Variants in UBP1 observed in about 807,000 individuals in gnomAD.
The protein encoded by UBP1 is upstream-binding protein 1.
In UBP1, 22 loss-of-function variants were observed where a neutral mutation model predicts 76.1. The ratio of observed to expected loss-of-function variants is 0.29; its 90% CI spans 0.21 to 0.41. UBP1 has a LOEUF of 0.41. Among genes scored for constraint, UBP1 ranks in the 10% least tolerant of loss-of-function variants. The pLI is 1.00. For missense variants in UBP1, 436 were observed against 668.1 expected, an observed-to-expected ratio of 0.65 and a Z score of 3.83; for synonymous variants, 224 against 237.1, an observed-to-expected ratio of 0.94 and a Z score of 0.51.
At chr3:33,393,534 C>T (rs2043851261) in intron 13 of UBP1, 80 bp from the exon 14 acceptor site, 8 of 1,392,140 alleles carry the variant, frequency 5.7e-6, no homozygotes, top group Admixed American at 2.6e-5. Flanking sequence ...AGGATCTGTA[C>T]GAAGGTCACA....
intron 1 of UBP1, 140 bp downstream of exon 1, chr3:33,439,596 C>T (rs919741861): frequency 4.5e-6 from 4 of 898,308 alleles, no homozygotes; most frequent in South Asian, 1.9e-5. Flanking sequence ...TGGCCCCCGA[C>T]CGCCACGCGG....
intron 8 of UBP1, among the ~76,000 whole-genome samples, chr3:33,406,035 G>A (rs2044410526): frequency 6.6e-6 from 1 of 152,148 alleles, no homozygotes; most frequent in Non-Finnish European, 1.5e-5. Context: ...TTTAGCTGGA[G>A]AGCTTTGAAT....
In UBP1 at chr3:33,402,819, G is replaced by A. The variant is rs1480038881; in HGVS notation, c.1013C>T (p.Thr338Ile). 1 of 1,594,474 alleles carries A rather than the reference G, an allele frequency of 6.3e-7. No homozygotes were observed. Among genetic ancestry groups the A allele is most frequent in the African/African-American group, 1.4e-5 (1 of 73,904 alleles). ...APTFTSPQQS[T>I]CSVPDSNSSS... ...TAGATACCTGTCTGGGACACTGCAA[G>A]TGCTCTGCTGTGGGGAGGTGAAAGT... Residue 338 changes from threonine (T) to isoleucine (I), a missense_variant, in exon 9 of 16, where the codon ACT (threonine) becomes ATT (isoleucine). Coordinates refer to ENST00000283629, the MANE Select transcript of UBP1 (RefSeq NM_014517.5).
At chr3:33,395,072 T>C (rs1271117944) in intron 13 of UBP1, among the ~76,000 whole-genome samples, 1 of 152,174 alleles carries the variant, frequency 6.6e-6, no homozygotes, top group Non-Finnish European at 1.5e-5. Flanking sequence ...CAAAATATTA[T>C]AATCTTGGCC....
intron 11 of UBP1, chr3:33,397,804 A>G (rs1387647867): frequency 6.6e-6 from 1 of 152,170 alleles, no homozygotes; most frequent in South Asian, 2.1e-4. Flanking sequence ...CAGGTTTCCT[A>G]TAGCACCACC....
chr3:33,398,709 C>T (rs1364674468), intron 11 of UBP1, among the ~76,000 whole-genome samples: 2 of 152,118 alleles, frequency 1.3e-5, no homozygotes, highest in Non-Finnish European at 2.9e-5. Flanking sequence ...CTGCTCACAG[C>T]GAAAGGGATT....
intron 11 of UBP1, among the ~76,000 whole-genome samples, chr3:33,398,710 G>A (rs898519531): frequency 5.3e-5 from 8 of 152,196 alleles, no homozygotes; most frequent in Non-Finnish European, 7.4e-5. Context: ...TGCTCACAGC[G>A]AAAGGGATTA....
chr3:33,428,008 C>A (rs1181817067), intron 1 of UBP1, among the ~76,000 whole-genome samples: 2 of 151,914 alleles, frequency 1.3e-5, no homozygotes, highest in Non-Finnish European at 2.9e-5. Context: ...CGGGGGAAAC[C>A]CCGTCTCTAC....
Position 33,425,616 on chromosome 3 carries a change from T to C in UBP1, c.239A>G (p.Asp80Gly). 6.4e-7 allele frequency: 1 copy of C among 1,567,724 alleles called. No individual in the cohort carries two copies. Among genetic ancestry groups the C allele is most frequent in the Non-Finnish European group, 8.7e-7 (1 of 1,146,138 alleles). Residue 80 changes from aspartate (D) to glycine (G), a missense_variant, in exon 2 of 16, where the codon GAT becomes GGT. Coordinates refer to ENST00000283629, the MANE Select transcript of UBP1 (RefSeq NM_014517.5). ...TTGGTTCAAATAAGTAAGCGTTTCA[T>C]CATGCAGTTTTACTGCTGGTGACGT... ...AATSPAVKLH[D>G]ETLTYLNQGQ... is the part of the protein sequence containing the mutation.
chr3:33,398,695 A>G (rs1213014968), intron 11 of UBP1, among the ~76,000 whole-genome samples: 4 of 152,226 alleles, frequency 2.6e-5, no homozygotes, highest in Non-Finnish European at 5.9e-5. Context: ...ACGCCATGTG[A>G]TCACTGCTCA....
intron 15 of UBP1, 42 bp downstream of exon 15, chr3:33,392,521 T>C (rs753800941): frequency 1.9e-6 from 3 of 1,569,708 alleles, no homozygotes; most frequent in South Asian, 2.3e-5. Context: ...ACACCATCTC[T>C]CATGATTCCA....
At chr3:33,392,289 G>A (rs1417187877) in intron 15 of UBP1, 2 of 340,546 alleles carry the variant, frequency 5.9e-6, no homozygotes, top group East Asian at 5.1e-5. Context: ...TAGATCCACT[G>A]AGCGACAGAA....
Position 33,389,190 on chromosome 3 carries a change from G to A in UBP1, c.*1141C>T, listed in dbSNP as rs2043654230. The A allele has an allele frequency of 6.6e-6, 1 of 152,598 alleles. No individual in the cohort carries two copies. The highest frequency in any genetic ancestry group is 1.5e-5 in the Non-Finnish European group (1 of 68,040). The allele number at this position is 152,598 out of a possible 1,614,324, so 9.5% of individuals were successfully genotyped here. A position where few individuals can be genotyped will look rare whatever the true frequency, so the allele number is the denominator to read the frequency against. ...AAGAGGCACTCTTATAGAGAAAGAA[G>A]CTAGTATGTGGTGTATAAAAAGCCC... On this transcript the variant is annotated 3_prime_UTR_variant, in exon 16 of 16. Transcript: ENST00000283629.
At chr3:33,429,154 A>G (rs7623887) in intron 1 of UBP1, among the ~76,000 whole-genome samples, 64,855 of 152,008 alleles carry the variant, frequency 0.43, 15,906 homozygotes, top group African/African-American at 0.64. Context: ...AATACTTGCT[A>G]AATCAATGAA....
chr3:33,396,925 A>G lies in UBP1; in HGVS notation c.1271+120T>C, dbSNP rs2044020890. 4.5e-6 allele frequency: 4 copies of G among 894,104 alleles called. No homozygotes were observed. The East Asian group carries it at 1.0e-4, about 23-fold the overall frequency. 55.4% of individuals were successfully genotyped at this position (894,104 alleles called of 1,614,324 possible). A position where few individuals can be genotyped will look rare whatever the true frequency, so the allele number is the denominator to read the frequency against. On this transcript the variant is annotated intron_variant, in intron 12 of 15. Coordinates refer to ENST00000283629, the MANE Select transcript of UBP1 (RefSeq NM_014517.5). ...TCTTCTTGTGAGCACAATGCTGCCAATGCTCGATGGCGCACACAGGCACAC... is the reference window on the plus strand; with the variant it reads ...TCTTCTTGTGAGCACAATGCTGCCAGTGCTCGATGGCGCACACAGGCACAC...
chr3:33,421,063 C>T (rs578243164), intron 2 of UBP1, among the ~76,000 whole-genome samples: 2 of 152,294 alleles, frequency 1.3e-5, no homozygotes, highest in African/African-American at 4.8e-5. Context: ...AGAAGTCTCA[C>T]TCATATTTAT....
chr3:33,389,211 A>G lies in UBP1; in HGVS notation c.*1120T>C, dbSNP rs2043655190. The stretch of plus-strand genomic sequence containing the variant: ...AGAAGCTAGTATGTGGTGTATAAAA[A>G]GCCCCTAAATCATCACCAGAATGTC... On this transcript the variant is annotated 3_prime_UTR_variant, in exon 16 of 16. Transcript: ENST00000283629. 6.6e-6 allele frequency: 1 copy of G among 152,642 alleles called. No homozygotes were observed. The highest frequency in any genetic ancestry group is 1.5e-5 in the Non-Finnish European group (1 of 68,040). 9.5% of individuals were successfully genotyped at this position (152,642 alleles called of 1,614,324 possible).
chr3:33,410,802 T>C (rs2044562209), intron 5 of UBP1, among the ~76,000 whole-genome samples: 1 of 152,180 alleles, frequency 6.6e-6, no homozygotes. Context: ...CTGGGCACAG[T>C]GGCTCACACC....
chr3:33,404,124 A>AT (rs2044347984), intron 8 of UBP1, among the ~76,000 whole-genome samples: 2 of 152,244 alleles, frequency 1.3e-5, no homozygotes, highest in Admixed American at 1.3e-4. Flanking sequence ...TAAAATAAAT[A>AT]TAATGAGGCC....
Sources: allele counts gnomAD v4.1 joint callset (sites outside exome capture counted in the v4.1 genomes callset), GRCh38; gene constraint gnomAD v4.1.1; transcripts MANE v1.5; gene names NCBI Gene and HGNC (gene_info 2026-07-23, HGNC 2026-07-21).